SPAG16: variants seen among roughly 807,000 people sequenced by gnomAD.
SPAG16 encodes sperm-associated antigen 16 protein.
A neutral mutation model predicts 80.4 loss-of-function variants in SPAG16; 86 were observed. The observed-to-expected ratio is 1.07, with a 90% CI of 0.90 to 1.28. The LOEUF is 1.28. Ranked by LOEUF, SPAG16 falls within the 50% of genes most tolerant of loss-of-function variation. The pLI is 0.00. For synonymous variants in SPAG16, 294 were observed against 265.9 expected, an observed-to-expected ratio of 1.11 and a Z score of -1.03; for missense variants, 870 against 765.3, an observed-to-expected ratio of 1.14 and a Z score of -1.61.
chr2:213,973,219 C>A (rs1000585648), intron 12 of SPAG16, among the ~76,000 whole-genome samples: 1 of 152,130 alleles, frequency 6.6e-6, no homozygotes, highest in East Asian at 1.9e-4. Context: ...TATACAGGCA[C>A]TTTTGAGTGT....
intron 8 of SPAG16, among the ~76,000 whole-genome samples, chr2:213,372,507 C>T (rs1048787937): frequency 6.6e-5 from 10 of 151,962 alleles, no homozygotes; most frequent in African/African-American, 1.9e-4. Flanking sequence ...TTTTTAAGTT[C>T]GTGTTTTGTT....
intron 10 of SPAG16, among the ~76,000 whole-genome samples, chr2:213,728,154 A>T (rs185206296): frequency 1.3e-5 from 2 of 152,114 alleles, no homozygotes; most frequent in Admixed American, 1.3e-4. Context: ...CGGCCAAATG[A>T]CAGTTCTTAA....
chr2:213,595,345 T>G (rs558313094), intron 10 of SPAG16, among the ~76,000 whole-genome samples: 2 of 152,244 alleles, frequency 1.3e-5, no homozygotes, highest in African/African-American at 4.8e-5. Flanking sequence ...ATTAATAATA[T>G]CATTTCTTTG....
intron 10 of SPAG16, among the ~76,000 whole-genome samples, chr2:213,727,118 T>C (rs1411190977): frequency 6.6e-6 from 1 of 152,184 alleles, no homozygotes; most frequent in African/African-American, 2.4e-5. Flanking sequence ...TTAAAGTACA[T>C]GTGTTTACCA....
At chr2:213,770,795 A>G (rs967985473) in intron 10 of SPAG16, among the ~76,000 whole-genome samples, 3 of 152,100 alleles carry the variant, frequency 2.0e-5, no homozygotes, top group African/African-American at 7.2e-5. Flanking sequence ...GACATGATCT[A>G]GTTCCTTTTT....
intron 15 of SPAG16, among the ~76,000 whole-genome samples, chr2:214,185,252 G>T (rs2057431395): frequency 1.3e-5 from 2 of 151,932 alleles, no homozygotes; most frequent in African/African-American, 4.8e-5. Context: ...ATCTCATAAG[G>T]TTATTATATG....
chr2:214,003,432 T>C (rs1010591056), intron 12 of SPAG16, among the ~76,000 whole-genome samples: 1 of 152,242 alleles, frequency 6.6e-6, no homozygotes, highest in Non-Finnish European at 1.5e-5. Flanking sequence ...GAAGGTAGTA[T>C]AATGGTTAAA....
chr2:214,350,328 C>T (rs1698314640), intron 15 of SPAG16, among the ~76,000 whole-genome samples: 1 of 152,136 alleles, frequency 6.6e-6, no homozygotes, highest in East Asian at 1.9e-4. Context: ...TGATATTGTC[C>T]CACAGGGACA....
At chr2:213,930,368 C>A (rs2078697916) in intron 12 of SPAG16, among the ~76,000 whole-genome samples, 1 of 152,104 alleles carries the variant, frequency 6.6e-6, no homozygotes, top group Non-Finnish European at 1.5e-5. Context: ...ATGTAAGTAT[C>A]AAGATCAAGC....
chr2:214,166,085 T>C lies in SPAG16; in HGVS notation c.1720+16819T>C, dbSNP rs191108147. On this transcript the variant is annotated intron_variant, in intron 15 of 15. Coordinates refer to ENST00000331683, the MANE Select transcript of SPAG16 (RefSeq NM_024532.5). ...CATGCAATGGAATACCATGTGACTA[T>C]TAAAATGTCATAAATGTGCATATAA... 2.0e-4 allele frequency among the ~76,000 whole-genome samples: 30 copies of C among 152,296 alleles called. No individual in the cohort carries two copies. In the East Asian group the frequency reaches 5.6e-3, roughly 28 times the overall value.
At chr2:213,495,288 T>G (rs1343549196) in intron 10 of SPAG16, among the ~76,000 whole-genome samples, 1 of 152,250 alleles carries the variant, frequency 6.6e-6, no homozygotes, top group East Asian at 1.9e-4. Context: ...GGATTCACTG[T>G]TGACTTTGAA....
chr2:213,965,906 C>T (rs1323217133), intron 12 of SPAG16, among the ~76,000 whole-genome samples: 1 of 152,126 alleles, frequency 6.6e-6, no homozygotes, highest in African/African-American at 2.4e-5. Flanking sequence ...GGGATGACAG[C>T]CTCTGGTTCT....
chr2:213,986,872 TTGTC>T (rs910404970), intron 12 of SPAG16, among the ~76,000 whole-genome samples: 21 of 142,986 alleles, frequency 1.5e-4, no homozygotes, highest in African/African-American at 5.4e-4. Flanking sequence ...TCTAGTCAAT[TTGTC>T]TGCCTCTGGT....
At chr2:213,891,388 C>A (rs1169685478) in intron 11 of SPAG16, among the ~76,000 whole-genome samples, 1 of 151,928 alleles carries the variant, frequency 6.6e-6, no homozygotes, top group Non-Finnish European at 1.5e-5. Context: ...TTTAGAGATA[C>A]CAACCATAAT....
intron 10 of SPAG16, among the ~76,000 whole-genome samples, chr2:213,527,000 T>C (rs147713001): frequency 6.6e-6 from 1 of 152,316 alleles, no homozygotes; most frequent in African/African-American, 2.4e-5. Flanking sequence ...AAGATGACTG[T>C]ACAGTCTCAC....
intron 10 of SPAG16, among the ~76,000 whole-genome samples, chr2:213,577,789 G>C (rs1418092715): frequency 6.6e-6 from 1 of 152,140 alleles, no homozygotes; most frequent in Non-Finnish European, 1.5e-5. Flanking sequence ...ATGAAGTCCA[G>C]CTGGGCATTC....
At chr2:213,654,031 T>C (rs921349184) in intron 10 of SPAG16, among the ~76,000 whole-genome samples, 2 of 152,200 alleles carry the variant, frequency 1.3e-5, no homozygotes, top group African/African-American at 4.8e-5. Flanking sequence ...TTTATAAATA[T>C]AGAAATTGAT....
chr2:214,055,358 G>T (rs936920962), intron 13 of SPAG16, among the ~76,000 whole-genome samples: 1 of 152,046 alleles, frequency 6.6e-6, no homozygotes, highest in Non-Finnish European at 1.5e-5. Flanking sequence ...ATTACTAAAT[G>T]GACTACTTTT....
intron 9 of SPAG16, among the ~76,000 whole-genome samples, chr2:213,448,665 G>A (rs911572202): frequency 2.0e-5 from 3 of 152,172 alleles, no homozygotes; most frequent in African/African-American, 7.2e-5. Flanking sequence ...CCATGGCAGA[G>A]GAACATAAAT....
Sources: allele counts gnomAD v4.1 joint callset (sites outside exome capture counted in the v4.1 genomes callset), GRCh38; gene constraint gnomAD v4.1.1; transcripts MANE v1.5; gene names NCBI Gene and HGNC (gene_info 2026-07-23, HGNC 2026-07-21).